The following GPAA1 variants were observed in gnomAD, a reference collection of about 807,000 sequenced individuals.
The protein encoded by GPAA1 is glycosylphosphatidylinositol anchor attachment 1.
Under a neutral mutation model 64.0 loss-of-function variants are expected in GPAA1, and 54 were observed. That is an observed-to-expected ratio of 0.84 (90% CI 0.68 to 1.06). The LOEUF is 1.06. GPAA1 is among the 50% of genes least tolerant of loss of function. The pLI is 0.00. For synonymous variants in GPAA1, 393 were observed against 377.3 expected (o/e 1.04, Z -0.48); for missense variants, 780 against 822.3 (o/e 0.95, Z 0.63).
In GPAA1 at chr8:144,082,686, G is replaced by GT. The variant is rs1554763640; in HGVS notation, c.-43dup. 7.2e-7 allele frequency: 1 copy of GT among 1,396,922 alleles called. No homozygotes were observed. Among genetic ancestry groups the GT allele is most frequent in the Non-Finnish European group, 9.4e-7 (1 of 1,068,900 alleles). The allele number at this position is 1,396,922 out of a possible 1,614,324, so 86.5% of individuals were successfully genotyped here. Reference sequence around the variant, plus strand: ...GCAGCCTGTGGGCACCGCGGCGGTAGTTGGAGGCGGGAGAGGGTCCGTAGC... The same window carrying GT: ...GCAGCCTGTGGGCACCGCGGCGGTAGTTTGGAGGCGGGAGAGGGTCCGTAGC... On this transcript the variant is annotated 5_prime_UTR_variant, in exon 1 of 12. Coordinates refer to ENST00000355091, the MANE Select transcript of GPAA1 (RefSeq NM_003801.4).
Position 144,084,879 on chromosome 8 carries a change from T to C in GPAA1, c.1164+4T>C. On this transcript the variant is annotated splice_donor_region_variant and intron_variant, in intron 8 of 11. Coordinates refer to ENST00000355091, the MANE Select transcript of GPAA1 (RefSeq NM_003801.4). Reference sequence around the variant, plus strand: ...GCTCCTGGTCCTTGGTCTCAAGATATCCTCTGCCCCTTGCCATCTACCTGT... The same window carrying C: ...GCTCCTGGTCCTTGGTCTCAAGATACCCTCTGCCCCTTGCCATCTACCTGT... 2 of 1,613,334 alleles carry C rather than the reference T, an allele frequency of 1.2e-6. No homozygotes were observed. The highest frequency in any genetic ancestry group is 1.7e-6 in the Non-Finnish European group (2 of 1,179,894).
At chr8:144,085,858 C>T (rs1340971506) in intron 11 of GPAA1, 24 bp from the exon 12 acceptor site, 5 of 1,601,932 alleles carry the variant, frequency 3.1e-6, no homozygotes, top group Non-Finnish European at 4.3e-6. Context: ...ATGGAGCCTA[C>T]CTTGATGTTG....
rs1220190060 is a variant in GPAA1, at chr8:144,085,057, G to A, written c.1179G>A (p.Trp393Ter). 7.5e-6 allele frequency: 12 copies of A among 1,610,396 alleles called. No individual in the cohort carries two copies. The highest frequency in any genetic ancestry group is 8.5e-6 in the Non-Finnish European group (10 of 1,178,260). ...LVLGLKALEL[W>*]MQLHEAGMGL... ...GATTGGGCTACGCTCTGGAACTGTG[G>A]ATGCAGCTGCATGAGGCTGGAATGG... The change falls in exon 9 of 12, where the codon TGG becomes TGA. Residue 393 changes from tryptophan (W) to a stop codon, truncating the protein, a stop_gained. Coordinates refer to ENST00000355091, the MANE Select transcript of GPAA1 (RefSeq NM_003801.4). LOFTEE classifies it high-confidence loss of function.
Position 144,085,597 on chromosome 8 carries a change from C to G in GPAA1, c.1476C>G (p.Asp492Glu). 1 of 1,613,764 alleles carries G rather than the reference C, an allele frequency of 6.2e-7. No individual in the cohort carries two copies. Among genetic ancestry groups the G allele is most frequent in the Non-Finnish European group, 8.5e-7 (1 of 1,179,934 alleles). The change falls in exon 11 of 12, where the codon GAC (aspartate) becomes GAG (glutamate). Residue 492 changes from aspartate to glutamate, a missense_variant. Physicochemically the swap from Asp to Glu is conservative, Grantham distance 45 (BLOSUM62 2). Coordinates refer to ENST00000355091, the MANE Select transcript of GPAA1 (RefSeq NM_003801.4). ...THRVVSTQAPDRGWMALKLVA... is the reference protein window; with the variant it reads ...THRVVSTQAPERGWMALKLVA... ...GGGTGGTAAGCACACAGGCCCCAGA[C>G]AGGGGCTGGATGGCACTGAAGCTGG...
Position 144,084,255 on chromosome 8 carries a change from G to A in GPAA1, c.738G>A (p.Leu246=). Residue 246 remains leucine (L), a synonymous_variant, in exon 6 of 12, where the codon CTG becomes CTA. Coordinates refer to ENST00000355091, the MANE Select transcript of GPAA1 (RefSeq NM_003801.4). ...DVAVEGLNGQ[L]PNLDLLNLFQ... is the part of the protein sequence containing the mutation. ...CCGTGGAGGGGCTTAACGGGCAGCT[G>A]CCCAACCTTGACCTGCTCAATCTCT... is the stretch of plus-strand genomic sequence containing the variant. 6.2e-7 allele frequency: 1 copy of A among 1,613,852 alleles called. No homozygotes were observed. Among genetic ancestry groups the A allele is most frequent in the Non-Finnish European group, 8.5e-7 (1 of 1,180,022 alleles).
At chr8:144,083,065 C>T (rs782541080) in intron 1 of GPAA1, 59 bp from the exon 2 acceptor site, 42 of 1,499,574 alleles carry the variant, frequency 2.8e-5, no homozygotes, top group Non-Finnish European at 3.7e-5. Context: ...AGGTTGTGGC[C>T]TCGGGTCGGC....
In GPAA1 at chr8:144,082,654, G is replaced by C; in HGVS notation, c.-77G>C. Reference sequence around the variant, plus strand: ...CGGGCGAGCGCGGGTCCCCGGGTCTGACAGGAGCAGCCTGTGGGCACCGCG... The same window carrying C: ...CGGGCGAGCGCGGGTCCCCGGGTCTCACAGGAGCAGCCTGTGGGCACCGCG... On this transcript the variant is annotated 5_prime_UTR_variant, in exon 1 of 12. Coordinates refer to ENST00000355091, the MANE Select transcript of GPAA1 (RefSeq NM_003801.4). 1 of 1,097,254 alleles carries C rather than the reference G, an allele frequency of 9.1e-7. No individual in the cohort carries two copies. Among genetic ancestry groups the C allele is most frequent in the Non-Finnish European group, 1.2e-6 (1 of 823,274 alleles). The allele number at this position is 1,097,254 out of a possible 1,614,324, so 68.0% of individuals were successfully genotyped here.
chr8:144,082,839 G>A (rs782751671), intron 1 of GPAA1, 35 bp downstream of exon 1: 1 of 1,351,300 alleles, frequency 7.4e-7, no homozygotes. Context: ...GGGACCCGAG[G>A]GCCCTGGGCT....
In GPAA1 at chr8:144,083,783, C is replaced by G. The variant is rs374909184; in HGVS notation, c.436C>G (p.Leu146Val). 15 of 1,594,972 alleles carry G rather than the reference C, an allele frequency of 9.4e-6. No homozygotes were observed. Among genetic ancestry groups the G allele is most frequent in the Non-Finnish European group, 1.0e-5 (12 of 1,172,252 alleles). ...PRAASTESLV[L>V]TVPCGSDSTN... Reference sequence around the variant, plus strand: ...TGCTGCCAGCACCGAGTCGCTTGTGCTCACCGTGCCCTGTGGCTCTGACTC... The same window carrying G: ...TGCTGCCAGCACCGAGTCGCTTGTGGTCACCGTGCCCTGTGGCTCTGACTC... The change falls in exon 4 of 12, where the codon CTC (leucine) becomes GTC (valine). Residue 146 changes from leucine (L) to valine (V), a missense_variant. Physicochemically the swap from Leu to Val is conservative, Grantham distance 32. Coordinates refer to ENST00000355091, the MANE Select transcript of GPAA1 (RefSeq NM_003801.4).
At position 144,086,193 on chromosome 8, in the gene GPAA1, A is replaced by G; in HGVS notation, c.*68A>G. On this transcript the variant is annotated 3_prime_UTR_variant, in exon 12 of 12. Coordinates refer to ENST00000355091, the MANE Select transcript of GPAA1 (RefSeq NM_003801.4). ...CATTCTGCCTCCTTCTGGGGAAATA[A>G]ATGAGTGTCTGTTTCAGCAGCTATT... 1 of 1,525,268 alleles carries G rather than the reference A, an allele frequency of 6.6e-7. No individual in the cohort carries two copies. The allele number at this position is 1,525,268 out of a possible 1,614,324, so 94.5% of individuals were successfully genotyped here. A position where few individuals can be genotyped will look rare whatever the true frequency, so the allele number is the denominator to read the frequency against.
chr8:144,083,105 C>A lies in GPAA1; in HGVS notation c.75-19C>A. On this transcript the variant is annotated intron_variant, in intron 1 of 11. Coordinates refer to ENST00000355091, the MANE Select transcript of GPAA1 (RefSeq NM_003801.4). ...GAGGACCCGCTGACGCTCCGGTGCC[C>A]CTCCGTCCTCTCTCACAGCGTGCTG... is the stretch of plus-strand genomic sequence containing the variant. 6.2e-7 allele frequency: 1 copy of A among 1,606,724 alleles called. No individual in the cohort carries two copies. The highest frequency in any genetic ancestry group is 8.5e-7 in the Non-Finnish European group (1 of 1,176,836).
At position 144,083,153 on chromosome 8, in the gene GPAA1, G is replaced by T; in HGVS notation, c.104G>T (p.Trp35Leu). The T allele has an allele frequency of 1.2e-6, 2 of 1,612,612 alleles. No individual in the cohort carries two copies. Among genetic ancestry groups the T allele is most frequent in the Non-Finnish European group, 1.7e-6 (2 of 1,179,834 alleles). ...CTGAGCTACGTGGCGGGCATCGCCT[G>T]GTTCTTGGCGCTGGTTTTCCCGCCG... ...CVLSYVAGIA[W>L]FLALVFPPLT... The change falls in exon 2 of 12, where the codon TGG (tryptophan) becomes TTG (leucine). Residue 35 changes from tryptophan to leucine, a missense_variant. By Grantham distance (61) the Trp-to-Leu change is moderately conservative. Transcript: ENST00000355091.
At position 144,083,142 on chromosome 8, in the gene GPAA1, G is replaced by C; in HGVS notation, c.93G>C (p.Ala31=). ...NAPLCVLSYV[A]GIAWFLALVF... is the part of the protein sequence containing the mutation. Reference sequence around the variant, plus strand: ...CTCACAGCGTGCTGAGCTACGTGGCGGGCATCGCCTGGTTCTTGGCGCTGG... The same window carrying C: ...CTCACAGCGTGCTGAGCTACGTGGCCGGCATCGCCTGGTTCTTGGCGCTGG... The change falls in exon 2 of 12, where the codon GCG becomes GCC. Residue 31 remains alanine (A), a synonymous_variant. Coordinates refer to ENST00000355091, the MANE Select transcript of GPAA1 (RefSeq NM_003801.4). The C allele has an allele frequency of 6.2e-7, 1 of 1,612,306 alleles. No individual in the cohort carries two copies. Among genetic ancestry groups the C allele is most frequent in the Non-Finnish European group, 8.5e-7 (1 of 1,179,780 alleles).
At chr8:144,083,537 C>T in intron 3 of GPAA1, 37 bp downstream of exon 3, 1 of 1,534,368 alleles carries the variant, frequency 6.5e-7, no homozygotes, top group Non-Finnish European at 9.0e-7. Flanking sequence ...GCCCAGAAAG[C>T]ACCTTGGAGG....
rs782252251 is a variant in GPAA1, at chr8:144,082,720, C to T, written c.-11C>T. On this transcript the variant is annotated 5_prime_UTR_variant, in exon 1 of 12. Coordinates refer to ENST00000355091, the MANE Select transcript of GPAA1 (RefSeq NM_003801.4). ...GGGAGAGGGTCCGTAGCCGCGCCGCCCTGCCCCGCCATGGGCCTCCTGTCG... is the reference window on the plus strand; with the variant it reads ...GGGAGAGGGTCCGTAGCCGCGCCGCTCTGCCCCGCCATGGGCCTCCTGTCG... 2.4e-5 allele frequency: 35 copies of T among 1,453,100 alleles called. No individual in the cohort carries two copies. In the South Asian group the frequency reaches 3.5e-4, roughly 15 times the overall value. The allele number at this position is 1,453,100 out of a possible 1,614,324, so 90.0% of individuals were successfully genotyped here.
Position 144,083,837 on chromosome 8 carries a change from C to A in GPAA1, c.490C>A (p.Leu164Met), listed in dbSNP as rs1554763915. ...STNSQAVGLL[L>M]ALAAHFRGQI... ...CAACAGCCAGGCTGTGGGGCTGCTG[C>A]TGGCACTGGCTGCCCACTTCCGGGG... The change falls in exon 4 of 12, where the codon CTG becomes ATG. Residue 164 changes from leucine (L) to methionine (M), a missense_variant. By Grantham distance (15) the Leu-to-Met change is conservative. Transcript: ENST00000355091. 6.2e-7 allele frequency: 1 copy of A among 1,612,080 alleles called. No homozygotes were observed. Among genetic ancestry groups the A allele is most frequent in the South Asian group, 1.1e-5 (1 of 91,084 alleles).
rs1554764338 is a variant in GPAA1, at chr8:144,086,031, A to G, written c.1772A>G (p.Glu591Gly). The G allele has an allele frequency of 6.2e-7, 1 of 1,612,482 alleles. No homozygotes were observed. Among genetic ancestry groups the G allele is most frequent in the Non-Finnish European group, 8.5e-7 (1 of 1,179,898 alleles). The change falls in exon 12 of 12, where the codon GAG becomes GGG. Residue 591 changes from glutamate (E) to glycine (G), a missense_variant. By Grantham distance (98) the Glu-to-Gly change is moderately conservative. Transcript: ENST00000355091. ...FLAALAQGVL[E>G]HHTYGALLFP... The stretch of plus-strand genomic sequence containing the variant: ...GCAGCGCTAGCCCAGGGTGTGCTGG[A>G]GCACCACACCTACGGCGCCCTGCTC...
At chr8:144,082,946 C>T (rs1403228622) in intron 1 of GPAA1, 142 bp downstream of exon 1, 4 of 882,096 alleles carry the variant, frequency 4.5e-6, no homozygotes, top group African/African-American at 3.5e-5. Flanking sequence ...CTCCTGCCCT[C>T]TGGAAGCACT....
chr8:144,083,594 G>A, intron 3 of GPAA1, 94 bp downstream of exon 3: 1 of 1,426,164 alleles, frequency 7.0e-7, no homozygotes. Flanking sequence ...CATGGGGCCA[G>A]GAAGCTCAGT....
Sources: gnomAD v4.1 joint callset for allele counts on GRCh38, gnomAD v4.1.1 for gene constraint, MANE v1.5 for transcripts, NCBI Gene and HGNC (gene_info 2026-07-23, HGNC 2026-07-21) for gene names.